Variants in HAUS8 observed in about 807,000 individuals in gnomAD.
HAUS8 encodes the protein HAUS augmin-like complex subunit 8.
A neutral mutation model predicts 42.9 loss-of-function variants in HAUS8; 38 were observed. That is an observed-to-expected ratio of 0.89 (90% CI 0.68 to 1.16). HAUS8 has a LOEUF of 1.16. Among genes scored for constraint, HAUS8 ranks in the 50% most tolerant of loss-of-function variants. The pLI, the probability that HAUS8 is intolerant of heterozygous loss-of-function variation, is 0.00. For synonymous variants in HAUS8, 199 were observed against 205.8 expected (o/e 0.97, Z 0.28); for missense variants, 494 against 511.6 (o/e 0.97, Z 0.33).
intron 3 of HAUS8, among the ~76,000 whole-genome samples, chr19:17,068,537 C>T (rs887736601): frequency 6.6e-6 from 1 of 152,156 alleles, no homozygotes. Flanking sequence ...GAGGCCGAGG[C>T]GGGAGCATCA....
chr19:17,052,934 G>A lies in HAUS8; in HGVS notation c.820C>T (p.Arg274Cys), dbSNP rs770170340. Residue 274 changes from arginine (R) to cysteine (C), a missense_variant, in exon 10 of 11, where the codon CGC (arginine) becomes TGC (cysteine). Coordinates refer to ENST00000253669, the MANE Select transcript of HAUS8 (RefSeq NM_033417.2). ...CCAACATCAAGTTCTCCCAGGAGGC[G>A]CTGAGTGGTCACCAGTTCATGCTGC... ...ALQHELVTTQ[R>C]LLGELDVGDS... The A allele has an allele frequency of 8.1e-6, 13 of 1,614,046 alleles. No homozygotes were observed. The highest frequency in any genetic ancestry group is 5.3e-5 in the African/African-American group (4 of 74,922).
At position 17,058,826 on chromosome 19, in the gene HAUS8, C is replaced by A; in HGVS notation, c.471G>T (p.Thr157=). ...CTGTTTTCACCTTTACGGATAGTAGCGTCAGCAGTAGTGTCTGAGACTCCA... is the reference window on the plus strand; with the variant it reads ...CTGTTTTCACCTTTACGGATAGTAGAGTCAGCAGTAGTGTCTGAGACTCCA... ...EMMESQTLLL[T]LLSVKMENNL... is the part of the protein sequence containing the mutation. The change falls in exon 7 of 11, where the codon ACG becomes ACT. Residue 157 remains threonine, a synonymous_variant. Coordinates refer to ENST00000253669, the MANE Select transcript of HAUS8 (RefSeq NM_033417.2). 1 of 1,613,410 alleles carries A rather than the reference C, an allele frequency of 6.2e-7. No individual in the cohort carries two copies. The highest frequency in any genetic ancestry group is 8.5e-7 in the Non-Finnish European group (1 of 1,179,762).
At chr19:17,051,978 T>A (rs1444655761) in intron 10 of HAUS8, 1 of 151,760 alleles carries the variant, frequency 6.6e-6, no homozygotes, top group Non-Finnish European at 1.5e-5. Context: ...CTGTCTCTAC[T>A]AAAAATACAA....
At chr19:17,063,956 G>C (rs112213974) in intron 3 of HAUS8, among the ~76,000 whole-genome samples, 1 of 152,136 alleles carries the variant, frequency 6.6e-6, no homozygotes, top group Non-Finnish European at 1.5e-5. Flanking sequence ...AGCCAATCCC[G>C]TGTAAATAAA....
chr19:17,050,311 A>G, intron 10 of HAUS8, 135 bp from the exon 11 acceptor site: 1 of 507,618 alleles, frequency 2.0e-6, no homozygotes. Flanking sequence ...GGGCCAGCAA[A>G]TAAGATCCGT....
chr19:17,066,060 A>C (rs554776351), intron 3 of HAUS8, among the ~76,000 whole-genome samples: 2 of 151,664 alleles, frequency 1.3e-5, no homozygotes, highest in Non-Finnish European at 2.9e-5. Flanking sequence ...GGCTCAAATG[A>C]TCTTCCTGCC....
At chr19:17,062,677 A>G (rs3816550) in intron 4 of HAUS8, 21 bp downstream of exon 4, 688,430 of 1,602,268 alleles carry the variant, frequency 0.43, 150,802 homozygotes, top group South Asian at 0.57. Context: ...TCACTGCCCG[A>G]GGACCATGGC....
intron 1 of HAUS8, 178 bp from the exon 2 acceptor site, chr19:17,073,513 G>A: frequency 1.5e-6 from 1 of 645,328 alleles, no homozygotes; most frequent in South Asian, 1.7e-5. Flanking sequence ...AGCCAGCCCT[G>A]GTCACCTGGG....
At chr19:17,060,113 G>T (rs142417253) in intron 4 of HAUS8, 21 bp from the exon 5 acceptor site, 2 of 1,535,780 alleles carry the variant, frequency 1.3e-6, no homozygotes, top group South Asian at 2.2e-5. Flanking sequence ...AAGAATCCCC[G>T]AAAGTCAGCA....
Position 17,049,826 on chromosome 19 carries a change from C to T in HAUS8, c.*47G>A. On this transcript the variant is annotated 3_prime_UTR_variant, in exon 11 of 11. Coordinates refer to ENST00000253669, the MANE Select transcript of HAUS8 (RefSeq NM_033417.2). The stretch of plus-strand genomic sequence containing the variant: ...TATCACATAAAAAATAGCTACAGTG[C>T]TACGGTAGTATATAAAGTGCTCAAG... The T allele has an allele frequency of 7.7e-7, 1 of 1,306,008 alleles. No individual in the cohort carries two copies. The highest frequency in any genetic ancestry group is 1.0e-6 in the Non-Finnish European group (1 of 986,866). 80.9% of individuals were successfully genotyped at this position (1,306,008 alleles called of 1,614,324 possible).
At position 17,062,743 on chromosome 19, in the gene HAUS8, T is replaced by C. The variant is rs761305412; in HGVS notation, c.184A>G (p.Met62Val). ...AGDGSQTRGK[M>V]SEGGRKSSLL... ...CTGGATTTCCTTCCACCTTCAGACA[T>C]CTTCCCTCGGGTCTGTGACCCATCT... Residue 62 changes from methionine (M) to valine (V), a missense_variant, in exon 4 of 11, where the codon ATG becomes GTG. Met to Val is a conservative substitution (Grantham distance 21). Coordinates refer to ENST00000253669, the MANE Select transcript of HAUS8 (RefSeq NM_033417.2). The C allele has an allele frequency of 6.2e-7, 1 of 1,614,188 alleles. No homozygotes were observed. The highest frequency in any genetic ancestry group is 1.1e-5 in the South Asian group (1 of 91,086).
chr19:17,069,180 G>A, intron 2 of HAUS8, 94 bp from the exon 3 acceptor site: 1 of 1,067,382 alleles, frequency 9.4e-7, no homozygotes, highest in Non-Finnish European at 1.4e-6. Context: ...AGATGCCAGG[G>A]GCCCTCTCCA....
intron 3 of HAUS8, among the ~76,000 whole-genome samples, chr19:17,064,132 G>A (rs1013379644): frequency 5.3e-5 from 8 of 152,124 alleles, no homozygotes; most frequent in Non-Finnish European, 1.0e-4. Context: ...AATTAAAATA[G>A]AGTACCATAT....
In HAUS8 at chr19:17,054,631, G is replaced by A. The variant is rs186592186; in HGVS notation, c.787+1230C>T. On this transcript the variant is annotated intron_variant, in intron 9 of 10. Coordinates refer to ENST00000253669, the MANE Select transcript of HAUS8 (RefSeq NM_033417.2). Reference sequence around the variant, plus strand: ...AGCCTGACCAACATGGAGAAACCCTGTCTCTACTAAAAATACAACATTAGC... The same window carrying A: ...AGCCTGACCAACATGGAGAAACCCTATCTCTACTAAAAATACAACATTAGC... Among the ~76,000 whole-genome samples the A allele has an allele frequency of 3.7e-3, 562 of 152,114 alleles. 3 individuals carry two copies. The highest frequency in any genetic ancestry group is 0.013 in the African/African-American group (534 of 41,516).
At chr19:17,071,448 A>G (rs1382263335) in intron 2 of HAUS8, among the ~76,000 whole-genome samples, 12 of 152,176 alleles carry the variant, frequency 7.9e-5, no homozygotes, top group Non-Finnish European at 1.6e-4. Context: ...CAGGTCTCCA[A>G]GGGCTGAGGC....
At chr19:17,059,897 T>C in intron 5 of HAUS8, 100 bp downstream of exon 5, 6 of 837,056 alleles carry the variant, frequency 7.2e-6, no homozygotes, top group Non-Finnish European at 2.0e-6. Flanking sequence ...AATGGGTTTG[T>C]TGGATGTGAC....
At chr19:17,062,013 C>A (rs2057363751) in intron 4 of HAUS8, among the ~76,000 whole-genome samples, 1 of 152,228 alleles carries the variant, frequency 6.6e-6, no homozygotes, top group South Asian at 2.1e-4. Flanking sequence ...TAGGCCAAAT[C>A]CAGCCCGCTT....
At chr19:17,072,685 G>A (rs1230953525) in intron 2 of HAUS8, among the ~76,000 whole-genome samples, 4 of 151,602 alleles carry the variant, frequency 2.6e-5, no homozygotes, top group Admixed American at 2.6e-4. Flanking sequence ...GTCTCACTCT[G>A]TCGCCCAGGC....
intron 4 of HAUS8, 106 bp from the exon 5 acceptor site, chr19:17,060,198 G>C: frequency 2.3e-6 from 1 of 429,944 alleles, no homozygotes. Context: ...GCTTCTAAAA[G>C]CCCAATTTCG....
Sources: gnomAD v4.1 joint callset for allele counts (sites outside exome capture counted in the v4.1 genomes callset) on GRCh38, gnomAD v4.1.1 for gene constraint, MANE v1.5 for transcripts, NCBI Gene and HGNC (gene_info 2026-07-23, HGNC 2026-07-21) for gene names.